DCLK1: variants seen among roughly 807,000 people sequenced by gnomAD.
DCLK1 encodes the protein serine/threonine-protein kinase DCLK1.
In DCLK1, 16 loss-of-function variants were observed where a neutral mutation model predicts 86.2. That is an observed-to-expected ratio of 0.19 (90% confidence interval 0.13 to 0.28). The LOEUF (loss-of-function observed/expected upper bound fraction) is 0.28. DCLK1 is among the 10% of genes least tolerant of loss of function. The pLI, the probability that DCLK1 is intolerant of heterozygous loss-of-function variation, is 1.00. For synonymous variants in DCLK1, 369 were observed against 370.5 expected (o/e 1.00, Z 0.05); for missense variants, 590 against 940.2 (o/e 0.63, Z 4.87).
At chr13:35,844,966 G>T (rs886696140) in intron 6 of DCLK1, among the ~76,000 whole-genome samples, 2 of 152,028 alleles carry the variant, frequency 1.3e-5, no homozygotes, top group Non-Finnish European at 2.9e-5. Flanking sequence ...ATATTTTTTC[G>T]TCTGGGTACA....
intron 3 of DCLK1, among the ~76,000 whole-genome samples, chr13:36,105,009 T>C (rs970166373): frequency 2.0e-5 from 3 of 152,182 alleles, no homozygotes; most frequent in Non-Finnish European, 4.4e-5. Flanking sequence ...GGCCTTTATA[T>C]ACATATTTTG....
chr13:36,023,749 G>T (rs1881892367), intron 3 of DCLK1, among the ~76,000 whole-genome samples: 1 of 151,880 alleles, frequency 6.6e-6, no homozygotes, highest in African/African-American at 2.4e-5. Flanking sequence ...AAGAAAAACT[G>T]GAAATAGAAT....
chr13:35,993,868 C>T (rs917320305), intron 3 of DCLK1, among the ~76,000 whole-genome samples: 1 of 150,930 alleles, frequency 6.6e-6, no homozygotes, highest in African/African-American at 2.4e-5. Context: ...GGATAAGTAT[C>T]AGCCTTGAGG....
intron 4 of DCLK1, among the ~76,000 whole-genome samples, chr13:35,901,375 A>C (rs1272543596): frequency 1.3e-5 from 2 of 149,544 alleles, no homozygotes; most frequent in Non-Finnish European, 3.0e-5. Context: ...CTGTAGTCCC[A>C]GTTACTTGGG....
rs573249558 is a variant in DCLK1 at position 36,090,898 on chromosome 13, T to C, written c.723+20971A>G. Among the ~76,000 whole-genome samples, 181 of 151,624 alleles carry C rather than the reference T, an allele frequency of 1.2e-3. 1 individual carries two copies. The highest frequency in any genetic ancestry group is 4.2e-3 in the African/African-American group (174 of 41,422). On this transcript the variant is annotated intron_variant, in intron 3 of 16. Transcript: ENST00000360631. The stretch of plus-strand genomic sequence containing the variant: ...GCAACAGCCAGTCCCTCTCCTGCAC[T>C]GTTGTCACATGGCTCAGTACAATCT...
At chr13:35,818,239 T>C (rs1169852297) in intron 11 of DCLK1, among the ~76,000 whole-genome samples, 2 of 152,186 alleles carry the variant, frequency 1.3e-5, no homozygotes, top group East Asian at 3.9e-4. Flanking sequence ...TTAGCTATCC[T>C]ATCACCAAAT....
At chr13:36,056,129 T>C (rs112367769) in intron 3 of DCLK1, among the ~76,000 whole-genome samples, 1 of 136,300 alleles carries the variant, frequency 7.3e-6, no homozygotes, top group African/African-American at 2.8e-5. Context: ...TATACCCAAA[T>C]GACTATAAAT....
rs1886179380 is a variant in DCLK1, at chr13:36,126,204, T to C, written c.-19-48A>G. On this transcript the variant is annotated intron_variant, in intron 1 of 16. Coordinates refer to ENST00000360631, the MANE Select transcript of DCLK1 (RefSeq NM_001330071.2). ...CAGACACACATATTGATGTAGGTTA[T>C]ATATATATATATATTTTTTTGTTTT... is the stretch of plus-strand genomic sequence containing the variant. 9 of 1,186,208 alleles carry C rather than the reference T, an allele frequency of 7.6e-6. No homozygotes were observed. The South Asian group carries it at 2.0e-4, about 27-fold the overall frequency. 73.5% of individuals were successfully genotyped at this position (1,186,208 alleles called of 1,614,324 possible). A position where few individuals can be genotyped will look rare whatever the true frequency, so the allele number is the denominator to read the frequency against.
intron 6 of DCLK1, chr13:35,848,443 T>C: frequency 2.8e-5 from 28 of 985,294 alleles, no homozygotes; most frequent in Non-Finnish European, 3.3e-5. Flanking sequence ...ATGATATATA[T>C]AGCCCCTGAA....
At chr13:36,035,416 A>G (rs780597686) in intron 3 of DCLK1, among the ~76,000 whole-genome samples, 1 of 152,118 alleles carries the variant, frequency 6.6e-6, no homozygotes, top group Non-Finnish European at 1.5e-5. Flanking sequence ...TTTTTTAATT[A>G]TCTTGTTCTT....
At chr13:35,921,471 G>T (rs1257335890) in intron 4 of DCLK1, among the ~76,000 whole-genome samples, 1 of 152,144 alleles carries the variant, frequency 6.6e-6, no homozygotes, top group African/African-American at 2.4e-5. Context: ...CCTCAGAGAA[G>T]ACTTTCCTAA....
intron 3 of DCLK1, among the ~76,000 whole-genome samples, chr13:36,063,793 C>G (rs1432415766): frequency 2.0e-5 from 3 of 152,120 alleles, no homozygotes; most frequent in Non-Finnish European, 4.4e-5. Flanking sequence ...CCTTAAAATG[C>G]TTTGAAATAA....
At chr13:36,088,421 C>G (rs1884695581) in intron 3 of DCLK1, among the ~76,000 whole-genome samples, 1 of 152,208 alleles carries the variant, frequency 6.6e-6, no homozygotes, top group Admixed American at 6.5e-5. Flanking sequence ...AGGGTCCAGT[C>G]TTAAGGCTGT....
intron 4 of DCLK1, among the ~76,000 whole-genome samples, chr13:35,892,514 A>G (rs993356409): frequency 3.9e-5 from 6 of 152,222 alleles, no homozygotes; most frequent in African/African-American, 1.4e-4. Context: ...TTACTAATAC[A>G]TTTGTGAGGT....
chr13:35,854,977 T>TC (rs1371007312), intron 5 of DCLK1, among the ~76,000 whole-genome samples: 1 of 152,196 alleles, frequency 6.6e-6, no homozygotes, highest in African/African-American at 2.4e-5. Flanking sequence ...CAGGAATAAA[T>TC]ATAAGCACAG....
At chr13:36,019,702 G>T (rs1279824792) in intron 3 of DCLK1, among the ~76,000 whole-genome samples, 2 of 152,074 alleles carry the variant, frequency 1.3e-5, no homozygotes, top group Admixed American at 6.5e-5. Context: ...TTCTTCATAT[G>T]CTTCTTATTC....
At chr13:36,027,533 A>C (rs540467542) in intron 3 of DCLK1, among the ~76,000 whole-genome samples, 1 of 152,324 alleles carries the variant, frequency 6.6e-6, no homozygotes, top group African/African-American at 2.4e-5. Flanking sequence ...TGAGTGAATA[A>C]ATCGAATAGC....
intron 1 of DCLK1, 106 bp from the exon 2 acceptor site, chr13:36,126,262 C>G (rs1886185747): frequency 3.1e-6 from 3 of 975,718 alleles, no homozygotes; most frequent in Non-Finnish European, 4.1e-6. Flanking sequence ...GGGTCCTGCT[C>G]TGTCACCGGG....
intron 3 of DCLK1, among the ~76,000 whole-genome samples, chr13:35,958,176 A>G (rs1018318082): frequency 3.3e-3 from 503 of 150,214 alleles, no homozygotes; most frequent in African/African-American, 8.1e-3. Flanking sequence ...CACCATCACC[A>G]CTATAACCAC....
Sources: gnomAD v4.1 joint callset for allele counts (sites outside exome capture counted in the v4.1 genomes callset) on GRCh38, gnomAD v4.1.1 for gene constraint, MANE v1.5 for transcripts, NCBI Gene and HGNC (gene_info 2026-07-23, HGNC 2026-07-21) for gene names.